Variants in AFG1L observed in about 807,000 individuals in gnomAD.
AFG1L encodes AFG1-like ATPase.
A neutral mutation model predicts 62.2 loss-of-function variants in AFG1L; 53 were observed. The observed-to-expected ratio is 0.85, with a 90% CI of 0.68 to 1.07. The LOEUF is 1.07. Among genes scored for constraint, AFG1L ranks in the 50% least tolerant of loss-of-function variants. The probability of loss-of-function intolerance (pLI) is 0.00; values close to 1 mark genes in which losing one functional copy is unlikely to be tolerated. For synonymous variants in AFG1L, 228 were observed against 210.3 expected (o/e 1.08, Z -0.73); for missense variants, 555 against 590.5 (o/e 0.94, Z 0.62).
chr6:108,298,669 T>C (rs1776860714), intron 1 of AFG1L, among the ~76,000 whole-genome samples: 1 of 152,168 alleles, frequency 6.6e-6, no homozygotes, highest in African/African-American at 2.4e-5. Context: ...AAAGGTGGGC[T>C]GATGTGGTTG....
At chr6:108,491,119 A>G (rs1326633911) in intron 10 of AFG1L, among the ~76,000 whole-genome samples, 2 of 152,222 alleles carry the variant, frequency 1.3e-5, no homozygotes, top group Non-Finnish European at 2.9e-5. Context: ...ATATACACAC[A>G]GAATTAAATT....
chr6:108,386,463 A>G (rs1314822819), intron 6 of AFG1L, among the ~76,000 whole-genome samples: 3 of 149,440 alleles, frequency 2.0e-5, no homozygotes, highest in African/African-American at 7.4e-5. Context: ...CTCCATCTCA[A>G]AAAAAAAAAG....
intron 6 of AFG1L, 23 bp from the exon 7 acceptor site, chr6:108,401,973 C>T (rs556519090): frequency 6.0e-6 from 7 of 1,169,736 alleles, no homozygotes; most frequent in South Asian, 2.8e-5. Context: ...AAGCAAAAAA[C>T]TAATATCATT....
intron 6 of AFG1L, among the ~76,000 whole-genome samples, chr6:108,400,639 A>T (rs1465105672): frequency 7.7e-6 from 1 of 129,890 alleles, no homozygotes; most frequent in African/African-American, 2.9e-5. Flanking sequence ...ATTTATATAA[A>T]TTATAATTTA....
intron 7 of AFG1L, among the ~76,000 whole-genome samples, chr6:108,443,868 C>T (rs1457203068): frequency 6.6e-6 from 1 of 150,678 alleles, no homozygotes; most frequent in Non-Finnish European, 1.5e-5. Context: ...GAGTAAGACT[C>T]TGTCGAAAAA....
intron 3 of AFG1L, 93 bp downstream of exon 3, chr6:108,347,132 T>TCCA: frequency 1.8e-6 from 2 of 1,086,334 alleles, no homozygotes; most frequent in South Asian, 2.6e-5. Context: ...CTCAATCTGT[T>TCCA]ACCAGCAAGG....
chr6:108,370,205 G>A (rs941323601), intron 6 of AFG1L, among the ~76,000 whole-genome samples: 3 of 152,070 alleles, frequency 2.0e-5, no homozygotes, highest in South Asian at 2.1e-4. Flanking sequence ...TAAGAGAAAC[G>A]CTAAGCCACT....
intron 2 of AFG1L, among the ~76,000 whole-genome samples, chr6:108,337,160 A>G (rs543956092): frequency 1.3e-5 from 2 of 152,342 alleles, no homozygotes; most frequent in African/African-American, 4.8e-5. Context: ...CATTTTTGAA[A>G]GGAATGTAGC....
chr6:108,442,737 G>T (rs770766382), intron 7 of AFG1L, among the ~76,000 whole-genome samples: 7 of 151,400 alleles, frequency 4.6e-5, no homozygotes, highest in Non-Finnish European at 7.4e-5. Context: ...CCCAGTCTTT[G>T]GGTCTTCACT....
intron 1 of AFG1L, chr6:108,319,640 A>AAGCC (rs1473537165): frequency 5.2e-6 from 1 of 192,330 alleles, no homozygotes. Context: ...CTATGTTGCC[A>AAGCC]AGGCTGGAGT....
intron 6 of AFG1L, among the ~76,000 whole-genome samples, chr6:108,366,821 A>G (rs1779782593): frequency 6.6e-6 from 1 of 152,228 alleles, no homozygotes; most frequent in Non-Finnish European, 1.5e-5. Context: ...AGTAATATTT[A>G]GATTAAAAAC....
At chr6:108,445,646 G>GAC (rs1256893007) in intron 7 of AFG1L, among the ~76,000 whole-genome samples, 1 of 42,164 alleles carries the variant, frequency 2.4e-5, no homozygotes. Context: ...GAGAGAGAGA[G>GAC]AGAGAGAGAG....
chr6:108,373,395 C>G (rs905303370), intron 6 of AFG1L, among the ~76,000 whole-genome samples: 1 of 152,090 alleles, frequency 6.6e-6, no homozygotes, highest in African/African-American at 2.4e-5. Flanking sequence ...CTGTGTAGTA[C>G]TCCTTGGTGT....
chr6:108,402,493 A>G (rs1465578949), intron 7 of AFG1L, among the ~76,000 whole-genome samples: 1 of 148,938 alleles, frequency 6.7e-6, no homozygotes, highest in African/African-American at 2.5e-5. Context: ...AAAAAAAAGG[A>G]GACTTGCCAG....
intron 2 of AFG1L, among the ~76,000 whole-genome samples, chr6:108,331,783 T>G (rs1377718029): frequency 6.6e-6 from 1 of 152,198 alleles, no homozygotes; most frequent in Non-Finnish European, 1.5e-5. Context: ...GAGAATTAAA[T>G]AGAGTATGGA....
intron 6 of AFG1L, among the ~76,000 whole-genome samples, chr6:108,381,995 C>CT (rs1227478281): frequency 0.019 from 2,674 of 138,098 alleles, 71 homozygotes; most frequent in South Asian, 0.056. Flanking sequence ...TTTTTATTCA[C>CT]TGTTTTTTTT....
At chr6:108,348,216 C>G (rs1440604820) in intron 3 of AFG1L, among the ~76,000 whole-genome samples, 1 of 152,088 alleles carries the variant, frequency 6.6e-6, no homozygotes, top group African/African-American at 2.4e-5. Flanking sequence ...GTAGCTGGGA[C>G]GACAGGTGTC....
At chr6:108,330,645 C>T (rs575207083) in intron 2 of AFG1L, among the ~76,000 whole-genome samples, 2 of 152,212 alleles carry the variant, frequency 1.3e-5, no homozygotes, top group South Asian at 2.1e-4. Flanking sequence ...ATAGGCCATC[C>T]GAACAGCTAA....
chr6:108,457,722 C>T (rs922755636), intron 8 of AFG1L, among the ~76,000 whole-genome samples: 6 of 151,918 alleles, frequency 3.9e-5, no homozygotes, highest in Non-Finnish European at 7.4e-5. Context: ...AAATTTCCCC[C>T]GATATAATTT....
Sources: allele counts gnomAD v4.1 joint callset (sites outside exome capture counted in the v4.1 genomes callset), GRCh38; gene constraint gnomAD v4.1.1; transcripts MANE v1.5; gene names NCBI Gene and HGNC (gene_info 2026-07-23, HGNC 2026-07-21).